Variants in OR8G1 observed in about 807,000 individuals in gnomAD.
The protein encoded by OR8G1 is olfactory receptor 8G1.
For missense variants in OR8G1, 372 were observed against 356.2 expected (o/e 1.04, Z -0.36); for synonymous variants, 129 against 133.3 (o/e 0.97, Z 0.22).
At position 124,249,875 on chromosome 11, in the gene OR8G1, C is replaced by A; in HGVS notation, c.200C>A (p.Ser67Tyr). 1.9e-6 allele frequency: 3 copies of A among 1,614,068 alleles called. No individual in the cohort carries two copies. Among genetic ancestry groups the A allele is most frequent in the Non-Finnish European group, 2.5e-6 (3 of 1,180,000 alleles). ...ATGTACTATTTCCTCAGCAGTCTGT[C>A]CTTCATTGACTTCTGCCATTCCACT... ...TPMYYFLSSL[S>Y]FIDFCHSTVI... The change falls in exon 3 of 3, where the codon TCC becomes TAC. Residue 67 changes from serine (S) to tyrosine (Y), a missense_variant. Transcript: ENST00000641972.
chr11:124,247,583 G>T (rs888463559), intron 1 of OR8G1, among the ~76,000 whole-genome samples: 1 of 151,768 alleles, frequency 6.6e-6, no homozygotes, highest in Non-Finnish European at 1.5e-5. Flanking sequence ...AACATTTAAG[G>T]TATTTTGGGG....
In OR8G1 at chr11:124,253,884, A is replaced by T. The variant is rs1321448666; in HGVS notation, c.*3273A>T. 6.6e-6 allele frequency: 1 copy of T among 152,140 alleles called. No individual in the cohort carries two copies. The highest frequency in any genetic ancestry group is 2.4e-5 in the African/African-American group (1 of 41,430). The allele number at this position is 152,140 out of a possible 1,614,324, so 9.4% of individuals were successfully genotyped here. On this transcript the variant is annotated 3_prime_UTR_variant, in exon 3 of 3. Coordinates refer to ENST00000641972, the MANE Select transcript of OR8G1 (RefSeq NM_001002905.2). ...TTCATCTGTATTGTTGCAAATTTTT[A>T]AATCTAAATATTATTCCATTGTGCA...
In OR8G1 at chr11:124,249,745, C is replaced by T. The variant is rs370541814; in HGVS notation, c.70C>T (p.Gln24Ter). Residue 24 changes from glutamine (Q) to a stop codon, truncating the protein, a stop_gained, in exon 3 of 3, where the codon CAG (glutamine) becomes TAG (stop). Coordinates refer to ENST00000641972, the MANE Select transcript of OR8G1 (RefSeq NM_001002905.2). LOFTEE classifies it low-confidence loss of function (END_TRUNC). ...TGGGCTCTCAGAACAGCCAGAGCTC[C>T]AGCTGCCCCTCTTCCTCCTGTTCTT... is the stretch of plus-strand genomic sequence containing the variant. ...LAGLSEQPEL[Q>*]LPLFLLFLGI... 1 of 1,613,710 alleles carries T rather than the reference C, an allele frequency of 6.2e-7. No individual in the cohort carries two copies. Among genetic ancestry groups the T allele is most frequent in the South Asian group, 1.1e-5 (1 of 91,074 alleles).
intron 2 of OR8G1, among the ~76,000 whole-genome samples, chr11:124,249,384 A>T (rs1299808750): frequency 6.6e-6 from 1 of 150,948 alleles, no homozygotes; most frequent in Non-Finnish European, 1.5e-5. Flanking sequence ...TAGTGAGTCT[A>T]AACTTAGAAA....
chr11:124,245,477 G>A (rs879068281), intron 1 of OR8G1, among the ~76,000 whole-genome samples: 4 of 136,518 alleles, frequency 2.9e-5, no homozygotes, highest in Admixed American at 1.4e-4. Flanking sequence ...ATAAACATAC[G>A]TGTGCATGTG....
In OR8G1 at chr11:124,252,562, A is replaced by C. The variant is rs531386765; in HGVS notation, c.*1951A>C. ...GATCATTTGAACGTCTACTCTGTAC[A>C]TTTCCCTTGCTTCAATGGACTATAA... On this transcript the variant is annotated 3_prime_UTR_variant, in exon 3 of 3. Transcript: ENST00000641972. 1.3e-5 allele frequency: 2 copies of C among 152,212 alleles called. No individual in the cohort carries two copies. Among genetic ancestry groups the C allele is most frequent in the South Asian group, 2.1e-4 (1 of 4,820 alleles). 9.4% of individuals were successfully genotyped at this position (152,212 alleles called of 1,614,324 possible).
rs1208723265 is a variant in OR8G1 at position 124,254,135 on chromosome 11, T to G, written c.*3524T>G. ...GCTTTATGCTGTTTTCCATAATGAC[T>G]GTACTAATTTACATTCCCATAAACA... is the stretch of plus-strand genomic sequence containing the variant. On this transcript the variant is annotated 3_prime_UTR_variant, in exon 3 of 3. Coordinates refer to ENST00000641972, the MANE Select transcript of OR8G1 (RefSeq NM_001002905.2). The G allele has an allele frequency of 2.6e-5, 4 of 152,202 alleles. No homozygotes were observed. Among genetic ancestry groups the G allele is most frequent in the Non-Finnish European group, 5.9e-5 (4 of 68,030 alleles). 9.4% of individuals were successfully genotyped at this position (152,202 alleles called of 1,614,324 possible).
In OR8G1 at chr11:124,249,754, C is replaced by T; in HGVS notation, c.79C>T (p.Leu27Phe). 1 of 1,613,808 alleles carries T rather than the reference C, an allele frequency of 6.2e-7. No individual in the cohort carries two copies. Among genetic ancestry groups the T allele is most frequent in the Non-Finnish European group, 8.5e-7 (1 of 1,179,838 alleles). The change falls in exon 3 of 3, where the codon CTC becomes TTC. Residue 27 changes from leucine (L) to phenylalanine (F), a missense_variant. Coordinates refer to ENST00000641972, the MANE Select transcript of OR8G1 (RefSeq NM_001002905.2). ...AGAACAGCCAGAGCTCCAGCTGCCCCTCTTCCTCCTGTTCTTAGGAATCTA... is the reference window on the plus strand; with the variant it reads ...AGAACAGCCAGAGCTCCAGCTGCCCTTCTTCCTCCTGTTCTTAGGAATCTA... ...LSEQPELQLP[L>F]FLLFLGIYVV...
rs1199965782 is a variant in OR8G1, at chr11:124,254,225, A to G, written c.*3614A>G. On this transcript the variant is annotated 3_prime_UTR_variant, in exon 3 of 3. Transcript: ENST00000641972. ...GTTATCCGTTCTCTTTTTGATAGTAACTATCCTAACAAGTATGAGGTGATA... is the reference window on the plus strand; with the variant it reads ...GTTATCCGTTCTCTTTTTGATAGTAGCTATCCTAACAAGTATGAGGTGATA... 1 of 152,130 alleles carries G rather than the reference A, an allele frequency of 6.6e-6. No homozygotes were observed. The highest frequency in any genetic ancestry group is 2.1e-4 in the South Asian group (1 of 4,832). The allele number at this position is 152,130 out of a possible 1,614,324, so 9.4% of individuals were successfully genotyped here. A position where few individuals can be genotyped will look rare whatever the true frequency, so the allele number is the denominator to read the frequency against.
intron 2 of OR8G1, 51 bp from the exon 3 acceptor site, chr11:124,249,609 T>C (rs1861843967): frequency 6.7e-7 from 1 of 1,489,306 alleles, no homozygotes; most frequent in East Asian, 2.4e-5. Flanking sequence ...AATAATAAAG[T>C]CCCTCCCACA....
At chr11:124,242,578 A>G (rs1279882343) in intron 1 of OR8G1, among the ~76,000 whole-genome samples, 1 of 143,944 alleles carries the variant, frequency 6.9e-6, no homozygotes, top group Non-Finnish European at 1.5e-5. Flanking sequence ...GTTCCATGGC[A>G]TATGAGTTGG....
Position 124,251,430 on chromosome 11 carries a change from A to G in OR8G1, c.*819A>G. The G allele has an allele frequency of 2.0e-6, 2 of 993,104 alleles. 1 individual carries two copies. The highest frequency in any genetic ancestry group is 2.8e-6 in the Non-Finnish European group (2 of 704,464). The allele number at this position is 993,104 out of a possible 1,614,324, so 61.5% of individuals were successfully genotyped here. ...TTAAATCTAATCTAATTTAATTTAT[A>G]TTTCAAGTTGATTAAAATTTACTTT... On this transcript the variant is annotated 3_prime_UTR_variant, in exon 3 of 3. Coordinates refer to ENST00000641972, the MANE Select transcript of OR8G1 (RefSeq NM_001002905.2).
At position 124,250,774 on chromosome 11, in the gene OR8G1, A is replaced by G. The variant is rs1336381901; in HGVS notation, c.*163A>G. 7 of 336,346 alleles carry G rather than the reference A, an allele frequency of 2.1e-5. 2 individuals are homozygous for G. Among genetic ancestry groups the G allele is most frequent in the African/African-American group, 1.8e-4 (5 of 27,742 alleles). 20.8% of individuals were successfully genotyped at this position (336,346 alleles called of 1,614,324 possible). A position where few individuals can be genotyped will look rare whatever the true frequency, so the allele number is the denominator to read the frequency against. On this transcript the variant is annotated 3_prime_UTR_variant, in exon 3 of 3. Transcript: ENST00000641972. The stretch of plus-strand genomic sequence containing the variant: ...TCATGACCCTTTGATGTCATTTCCC[A>G]TGTGGGGTTTTAACTCATATGTATC...
At chr11:124,246,924 T>G (rs1258889271) in intron 1 of OR8G1, among the ~76,000 whole-genome samples, 2 of 150,532 alleles carry the variant, frequency 1.3e-5, no homozygotes, top group African/African-American at 4.9e-5. Context: ...TGTATAATCC[T>G]TGCAACGATG....
chr11:124,241,335 C>T lies in OR8G1; in HGVS notation c.-126C>T, dbSNP rs10128577. ...AGGAAGAGGAAATTGCAAGTAAAATCAAGCATTGAAGTTTTTAGGCAGTGG... is the reference window on the plus strand; with the variant it reads ...AGGAAGAGGAAATTGCAAGTAAAATTAAGCATTGAAGTTTTTAGGCAGTGG... On this transcript the variant is annotated 5_prime_UTR_variant, in exon 1 of 3. Transcript: ENST00000641972. 77,213 of 151,512 alleles carry T rather than the reference C, an allele frequency of 0.51. 20,245 individuals are homozygous for T. Among genetic ancestry groups the T allele is most frequent in the South Asian group, 0.7 (3,363 of 4,818 alleles). The allele number at this position is 151,512 out of a possible 1,614,324, so 9.4% of individuals were successfully genotyped here.
At chr11:124,242,753 T>G (rs908678914) in intron 1 of OR8G1, among the ~76,000 whole-genome samples, 8 of 152,098 alleles carry the variant, frequency 5.3e-5, no homozygotes, top group African/African-American at 1.7e-4. Flanking sequence ...TTATGAATTG[T>G]ATTCAAACCA....
In OR8G1 at chr11:124,251,964, T is replaced by C. The variant is rs1007942544; in HGVS notation, c.*1353T>C. ...AATATTTCACTTGTCTATATTTGGA[T>C]GGGGCTGGTTAAGTTGCTTTGATCA... On this transcript the variant is annotated 3_prime_UTR_variant, in exon 3 of 3. Transcript: ENST00000641972. The C allele has an allele frequency of 2.6e-4, 39 of 152,510 alleles. No homozygotes were observed. Among genetic ancestry groups the C allele is most frequent in the African/African-American group, 8.9e-4 (37 of 41,576 alleles). The allele number at this position is 152,510 out of a possible 1,614,324, so 9.4% of individuals were successfully genotyped here.
At chr11:124,246,330 C>T (rs1861810455) in intron 1 of OR8G1, among the ~76,000 whole-genome samples, 1 of 151,750 alleles carries the variant, frequency 6.6e-6, no homozygotes, top group Non-Finnish European at 1.5e-5. Flanking sequence ...TTACGTGATA[C>T]TATTTTTAAA....
At chr11:124,246,876 A>C (rs1861816425) in intron 1 of OR8G1, among the ~76,000 whole-genome samples, 1 of 37,502 alleles carries the variant, frequency 2.7e-5, no homozygotes, top group South Asian at 1.2e-3. Context: ...CTAAAAAAAA[A>C]AAAAGGCCCC....
Sources: gnomAD v4.1 joint callset for allele counts (sites outside exome capture counted in the v4.1 genomes callset) on GRCh38, gnomAD v4.1.1 for gene constraint, MANE v1.5 for transcripts, NCBI Gene and HGNC (gene_info 2026-07-23, HGNC 2026-07-21) for gene names.